Variants in STYK1 observed in about 807,000 individuals in gnomAD.
STYK1 encodes STY kinase 1.
A neutral mutation model predicts 48.1 loss-of-function variants in STYK1; 46 were observed. The ratio of observed to expected loss-of-function variants is 0.96; its 90% confidence interval spans 0.75 to 1.22. The LOEUF is 1.22. Ranked by LOEUF, STYK1 falls within the 50% of genes most tolerant of loss-of-function variation. STYK1 has a pLI of 0.00. For missense variants in STYK1, 527 were observed against 521.1 expected (o/e 1.01, Z -0.11); for synonymous variants, 188 against 189.0 (o/e 0.99, Z 0.04).
rs533706706 is a variant in STYK1 at position 10,663,586 on chromosome 12, G to A, written c.-195+10380C>T. On this transcript the variant is annotated intron_variant, in intron 1 of 10. Transcript: ENST00000075503. ...TGCACTCCAGCCTGGGCGACAGAAC[G>A]AGACTCTGTCTCAAAAAAAAAAAAA... 3.5e-3 allele frequency among the ~76,000 whole-genome samples: 406 copies of A among 117,196 alleles called. 1 individual carries two copies. The highest frequency in any genetic ancestry group is 0.013 in the African/African-American group (386 of 30,170). The allele number at this position is 117,196 out of a possible 152,430, so 76.9% of individuals were successfully genotyped here.
At chr12:10,660,846 G>A (rs370515785) in intron 1 of STYK1, among the ~76,000 whole-genome samples, 6 of 152,232 alleles carry the variant, frequency 3.9e-5, no homozygotes, top group South Asian at 2.1e-4. Flanking sequence ...GAAACCCTCC[G>A]TTCTGGGATT....
At chr12:10,670,885 A>C (rs762246522) in intron 1 of STYK1, among the ~76,000 whole-genome samples, 27 of 150,094 alleles carry the variant, frequency 1.8e-4, no homozygotes, top group Admixed American at 3.3e-4. Flanking sequence ...TTAAATATAC[A>C]TATAATAAAA....
Position 10,624,771 on chromosome 12 carries a change from C to T in STYK1, c.806G>A (p.Gly269Glu). 3.1e-6 allele frequency: 5 copies of T among 1,614,116 alleles called. No individual in the cohort carries two copies. Among genetic ancestry groups the T allele is most frequent in the Non-Finnish European group, 4.2e-6 (5 of 1,180,028 alleles). The change falls in exon 8 of 11, where the codon GGA (glycine) becomes GAA (glutamate). Residue 269 changes from glycine to glutamate, a missense_variant. Coordinates refer to ENST00000075503, the MANE Select transcript of STYK1 (RefSeq NM_018423.3). ...MQSDLTAKLC[G>E]LGLAYEVYTR... ...GTAAACTTCATAAGCCAGGCCTAAT[C>T]CACAGAGCTTAGCAGTGAGATCACT...
chr12:10,623,655 A>G (rs991325472), intron 8 of STYK1, among the ~76,000 whole-genome samples: 1 of 152,210 alleles, frequency 6.6e-6, no homozygotes, highest in Non-Finnish European at 1.5e-5. Context: ...ATAAAAATAA[A>G]CTGCTGAAAA....
chr12:10,624,141 C>G (rs1947329309), intron 8 of STYK1, among the ~76,000 whole-genome samples: 1 of 150,696 alleles, frequency 6.6e-6, no homozygotes, highest in Non-Finnish European at 1.5e-5. Context: ...ATACTTGAGG[C>G]TGGGCATGGT....
chr12:10,650,043 C>T (rs543013703), intron 1 of STYK1, among the ~76,000 whole-genome samples: 149 of 132,146 alleles, frequency 1.1e-3, no homozygotes, highest in Non-Finnish European at 1.8e-3. Context: ...CAACCCAAGG[C>T]GGAGCTTGCA....
In STYK1 at chr12:10,627,637, T is replaced by C; in HGVS notation, c.717+4A>G. ...CCATCAGTTGTCATGTTGCCTCATC[T>C]TACCAGCGCCAAAAGGACCTGCTTT... On this transcript the variant is annotated splice_donor_region_variant and intron_variant, in intron 7 of 10. Transcript: ENST00000075503. 2 of 1,612,012 alleles carry C rather than the reference T, an allele frequency of 1.2e-6. No individual in the cohort carries two copies. The highest frequency in any genetic ancestry group is 1.7e-6 in the Non-Finnish European group (2 of 1,179,366).
chr12:10,649,900 C>G (rs971500916), intron 1 of STYK1, among the ~76,000 whole-genome samples: 2 of 151,858 alleles, frequency 1.3e-5, no homozygotes, highest in Admixed American at 6.6e-5. Context: ...ATCGCGAGGT[C>G]AGGAGATCGA....
At chr12:10,671,779 G>C (rs1050173786) in intron 1 of STYK1, among the ~76,000 whole-genome samples, 1 of 152,234 alleles carries the variant, frequency 6.6e-6, no homozygotes, top group Non-Finnish European at 1.5e-5. Flanking sequence ...GATCTTCGGA[G>C]CACATGTTGG....
At chr12:10,632,976 T>C (rs1005271847) in intron 4 of STYK1, among the ~76,000 whole-genome samples, 1 of 152,212 alleles carries the variant, frequency 6.6e-6, no homozygotes, top group African/African-American at 2.4e-5. Flanking sequence ...TCATATTACA[T>C]ATGAGATTTG....
chr12:10,670,625 C>A (rs1461175746), intron 1 of STYK1, among the ~76,000 whole-genome samples: 1 of 151,346 alleles, frequency 6.6e-6, no homozygotes, highest in African/African-American at 2.4e-5. Flanking sequence ...TGACCTTATT[C>A]CTCCTTGTTA....
chr12:10,623,590 G>T (rs913973341), intron 8 of STYK1, among the ~76,000 whole-genome samples: 1 of 152,064 alleles, frequency 6.6e-6, no homozygotes, highest in African/African-American at 2.4e-5. Flanking sequence ...TTCAAACAAA[G>T]TTTGAAGGAA....
At chr12:10,634,879 C>G (rs34944038) in intron 2 of STYK1, among the ~76,000 whole-genome samples, 193 bp from the exon 3 acceptor site, 240 of 152,238 alleles carry the variant, frequency 1.6e-3, no homozygotes, top group Non-Finnish European at 2.6e-3. Flanking sequence ...TTCCTCTCAG[C>G]GTTTCTCTTT....
chr12:10,655,202 G>A (rs1172379792), intron 1 of STYK1, among the ~76,000 whole-genome samples: 3 of 152,198 alleles, frequency 2.0e-5, no homozygotes, highest in Non-Finnish European at 4.4e-5. Context: ...CCTTGGGATA[G>A]AACACAGGCT....
At chr12:10,631,672 C>A (rs1947431055) in intron 4 of STYK1, among the ~76,000 whole-genome samples, 1 of 152,100 alleles carries the variant, frequency 6.6e-6, no homozygotes, top group Admixed American at 6.5e-5. Flanking sequence ...AGGTAACTGC[C>A]AGTGAGAACT....
chr12:10,647,883 G>C (rs932388292), intron 1 of STYK1, among the ~76,000 whole-genome samples: 7 of 152,168 alleles, frequency 4.6e-5, no homozygotes, highest in Non-Finnish European at 7.3e-5. Flanking sequence ...CATAAGATGT[G>C]ACTTGCTCTG....
intron 1 of STYK1, among the ~76,000 whole-genome samples, chr12:10,663,426 C>T (rs540431876): frequency 6.6e-6 from 1 of 151,756 alleles, no homozygotes; most frequent in African/African-American, 2.4e-5. Flanking sequence ...CAGTGAAACC[C>T]GTCTCTACTA....
chr12:10,631,079 A>T lies in STYK1; in HGVS notation c.417T>A (p.Ser139=), dbSNP rs1947421805. The part of the protein sequence containing the change: ...FRANMNTGDP[S]KPKSVILKAL... ...CCTTGAGAATAACACTCTTGGGCTT[A>T]GAAGGGTCCCCAGTGTTCATATTGG... The change falls in exon 5 of 11, where the codon TCT becomes TCA. Residue 139 remains serine (S), a synonymous_variant. Coordinates refer to ENST00000075503, the MANE Select transcript of STYK1 (RefSeq NM_018423.3). 6.2e-7 allele frequency: 1 copy of T among 1,614,078 alleles called. No individual in the cohort carries two copies. The highest frequency in any genetic ancestry group is 1.3e-5 in the African/African-American group (1 of 74,936).
At chr12:10,660,032 G>A (rs373510739) in intron 1 of STYK1, among the ~76,000 whole-genome samples, 1 of 152,114 alleles carries the variant, frequency 6.6e-6, no homozygotes, top group Non-Finnish European at 1.5e-5. Flanking sequence ...ATAAAGATCT[G>A]GATCAGTATT....
Sources: allele counts gnomAD v4.1 joint callset (sites outside exome capture counted in the v4.1 genomes callset), GRCh38; gene constraint gnomAD v4.1.1; transcripts MANE v1.5; gene names NCBI Gene and HGNC (gene_info 2026-07-23, HGNC 2026-07-21).